Variants in TRPM1 observed in about 807,000 individuals in gnomAD.
The protein encoded by TRPM1 is transient receptor potential cation channel subfamily M member 1.
TRPM1 carries 113 observed loss-of-function variants against 149.4 expected under a neutral mutation model. That is an observed-to-expected ratio of 0.76 (90% confidence interval 0.65 to 0.88). The LOEUF (loss-of-function observed/expected upper bound fraction) is 0.88. Ranked by LOEUF, TRPM1 falls within the 40% of genes least tolerant of loss-of-function variation. The probability of loss-of-function intolerance (pLI) is 0.00; values close to 1 mark genes in which losing one functional copy is unlikely to be tolerated. For synonymous variants in TRPM1, 741 were observed against 759.5 expected (o/e 0.98, Z 0.40); for missense variants, 1,976 against 2,038.7 (o/e 0.97, Z 0.59).
intron 11 of TRPM1, among the ~76,000 whole-genome samples, chr15:31,053,690 T>C (rs556271412): frequency 6.6e-6 from 1 of 152,280 alleles, no homozygotes; most frequent in South Asian, 2.1e-4. Flanking sequence ...GTTTGGTGAT[T>C]CTTCAAAAAA....
chr15:31,156,243 C>T (rs2036375941), intron 1 of TRPM1, among the ~76,000 whole-genome samples: 1 of 150,280 alleles, frequency 6.7e-6, no homozygotes. Context: ...TATTTTACCC[C>T]AGAATATGTT....
intron 11 of TRPM1, among the ~76,000 whole-genome samples, chr15:31,054,817 C>A (rs948677093): frequency 6.6e-6 from 1 of 152,086 alleles, no homozygotes; most frequent in Non-Finnish European, 1.5e-5. Flanking sequence ...ACTCTTTTAG[C>A]AATTTTCAAG....
chr15:31,111,037 T>G (rs1402389693), intron 1 of TRPM1, among the ~76,000 whole-genome samples: 1 of 152,144 alleles, frequency 6.6e-6, no homozygotes, highest in African/African-American at 2.4e-5. Context: ...TTTTTGTTTC[T>G]TTGTTTTAAT....
At chr15:31,065,211 C>T (rs192817258) in intron 7 of TRPM1, 101 of 507,838 alleles carry the variant, frequency 2.0e-4, no homozygotes, top group African/African-American at 1.6e-3. Flanking sequence ...ATTCAGTCAT[C>T]GACCAATGTA....
At chr15:31,129,065 CG>C (rs2035986522) in intron 1 of TRPM1, among the ~76,000 whole-genome samples, 1 of 152,142 alleles carries the variant, frequency 6.6e-6, no homozygotes, top group Non-Finnish European at 1.5e-5. Context: ...TGGAGGCTCA[CG>C]AGTCAAAGGC....
At chr15:31,068,766 AAAAG>A (rs1436447902) in intron 4 of TRPM1, among the ~76,000 whole-genome samples, 1 of 150,698 alleles carries the variant, frequency 6.6e-6, no homozygotes, top group East Asian at 1.9e-4. Flanking sequence ...AAAAAAAAAA[AAAAG>A]AGGACTCAGA....
intron 3 of TRPM1, among the ~76,000 whole-genome samples, chr15:31,075,734 G>A (rs2034671045): frequency 6.6e-6 from 1 of 152,182 alleles, no homozygotes; most frequent in Non-Finnish European, 1.5e-5. Context: ...GCTGGGCAGA[G>A]GGAGGGAGGA....
chr15:31,089,753 A>AG (rs1364013187), intron 1 of TRPM1, among the ~76,000 whole-genome samples: 2 of 152,194 alleles, frequency 1.3e-5, no homozygotes, highest in African/African-American at 4.8e-5. Context: ...GACTTGTAAT[A>AG]GGTTAGTATC....
chr15:31,122,025 T>C (rs2035888255), intron 1 of TRPM1, among the ~76,000 whole-genome samples: 1 of 152,204 alleles, frequency 6.6e-6, no homozygotes, highest in Non-Finnish European at 1.5e-5. Context: ...GCAAGGCTGA[T>C]TCAATGTCTA....
At chr15:31,005,128 T>TAAATAAATAAAC (rs1310759030) in intron 27 of TRPM1, among the ~76,000 whole-genome samples, 2 of 151,178 alleles carry the variant, frequency 1.3e-5, no homozygotes, top group African/African-American at 4.9e-5. Flanking sequence ...AATAAATAAA[T>TAAATAAATAAAC]AAATAAATAA....
intron 1 of TRPM1, among the ~76,000 whole-genome samples, chr15:31,099,347 C>T (rs906860869): frequency 1.3e-5 from 2 of 152,084 alleles, no homozygotes; most frequent in Admixed American, 1.3e-4. Flanking sequence ...TCCTCTTATT[C>T]TCCTGGCTGA....
At chr15:31,041,181 G>C (rs2033605747) in intron 17 of TRPM1, among the ~76,000 whole-genome samples, 1 of 150,794 alleles carries the variant, frequency 6.6e-6, no homozygotes, top group Non-Finnish European at 1.5e-5. Flanking sequence ...TTGAGATGGA[G>C]TCTCACTCTA....
At chr15:31,013,731 G>T (rs1385822387) in intron 27 of TRPM1, among the ~76,000 whole-genome samples, 2 of 152,060 alleles carry the variant, frequency 1.3e-5, no homozygotes, top group African/African-American at 2.4e-5. Context: ...GTTTAGTGTA[G>T]TTGTTGTTTG....
chr15:31,047,990 C>T (rs773781059), intron 13 of TRPM1, 51 bp from the exon 14 acceptor site: 53 of 1,508,888 alleles, frequency 3.5e-5, no homozygotes, highest in African/African-American at 6.9e-5. Flanking sequence ...TGGCCAGGCG[C>T]GGTGGCTCAC....
chr15:31,075,498 T>C (rs28632121), intron 3 of TRPM1, among the ~76,000 whole-genome samples: 34,679 of 152,232 alleles, frequency 0.23, 4,216 homozygotes, highest in Admixed American at 0.32. Context: ...TCTCACTTTC[T>C]GTGGTTGCTG....
At chr15:31,161,043 G>T in exon 1 of TRPM1, 1 of 1,378,874 alleles carries the variant, frequency 7.3e-7, no homozygotes, top group Non-Finnish European at 1.0e-6. Context: ...CCCTGGGTGG[G>T]CAGGAGCGGA....
intron 27 of TRPM1, among the ~76,000 whole-genome samples, chr15:31,017,894 T>A (rs552458257): frequency 3.9e-5 from 6 of 152,200 alleles, no homozygotes; most frequent in Non-Finnish European, 5.9e-5. Flanking sequence ...GGACTTTGCA[T>A]AGACTCTTGT....
At chr15:31,089,819 G>A (rs1189637015) in intron 1 of TRPM1, among the ~76,000 whole-genome samples, 1 of 152,170 alleles carries the variant, frequency 6.6e-6, no homozygotes, top group African/African-American at 2.4e-5. Flanking sequence ...CCAGAACACC[G>A]CGGAAGGCAC....
intron 11 of TRPM1, among the ~76,000 whole-genome samples, chr15:31,057,451 TG>T (rs2034114790): frequency 6.6e-6 from 1 of 152,114 alleles, no homozygotes; most frequent in Non-Finnish European, 1.5e-5. Context: ...GCTTAATAAC[TG>T]GGTGGTGAAA....
Sources: gnomAD v4.1 joint callset for allele counts (sites outside exome capture counted in the v4.1 genomes callset) on GRCh38, gnomAD v4.1.1 for gene constraint, MANE v1.5 for transcripts, NCBI Gene and HGNC (gene_info 2026-07-23, HGNC 2026-07-21) for gene names.